The following GPAA1 variants were observed in gnomAD, a reference collection of about 807,000 sequenced individuals.
GPAA1 encodes GPI-anchor transamidase component GPAA1.
In GPAA1, 54 loss-of-function variants were observed where a neutral mutation model predicts 64.0. The observed-to-expected ratio is 0.84, with a 90% CI of 0.68 to 1.06. GPAA1 has a LOEUF of 1.06. Ranked by LOEUF, GPAA1 falls within the 50% of genes least tolerant of loss-of-function variation. The pLI is 0.00. For synonymous variants in GPAA1, 393 were observed against 377.3 expected, an observed-to-expected ratio of 1.04 and a Z score of -0.48; for missense variants, 780 against 822.3, an observed-to-expected ratio of 0.95 and a Z score of 0.63.
Position 144,083,440 on chromosome 8 carries a change from G to A in GPAA1, c.306G>A (p.Glu102=). 6.2e-7 allele frequency: 1 copy of A among 1,613,912 alleles called. No individual in the cohort carries two copies. The highest frequency in any genetic ancestry group is 8.5e-7 in the Non-Finnish European group (1 of 1,180,014). The change falls in exon 3 of 12, where the codon GAG becomes GAA. Residue 102 remains glutamate (E), a synonymous_variant. Coordinates refer to ENST00000355091, the MANE Select transcript of GPAA1 (RefSeq NM_003801.4). ...GGACGATGCGGTCAGTAGGGCTGGA[G>A]GTCTACACGCAGAGTTTCTCCCGGA... The part of the protein sequence containing the change: ...LERTMRSVGL[E]VYTQSFSRKL...
At position 144,085,380 on chromosome 8, in the gene GPAA1, T is replaced by C. The variant is rs1249526969; in HGVS notation, c.1352T>C (p.Val451Ala). 10 of 1,608,498 alleles carry C rather than the reference T, an allele frequency of 6.2e-6. No individual in the cohort carries two copies. The African/African-American group carries it at 1.2e-4, about 19-fold the overall frequency. ...GTCCTGCCAGTGCTGGGCCAACACG[T>C]TGCCACCCAGCACTTCCCAGTGGCA... ...LYVLPVLGQH[V>A]ATQHFPVAEA... The change falls in exon 10 of 12, where the codon GTT (valine) becomes GCT (alanine). Residue 451 changes from valine to alanine, a missense_variant. Physicochemically the swap from Val to Ala is moderately conservative, Grantham distance 64. Coordinates refer to ENST00000355091, the MANE Select transcript of GPAA1 (RefSeq NM_003801.4).
intron 3 of GPAA1, 71 bp downstream of exon 3, chr8:144,083,571 C>T (rs1418435240): frequency 6.3e-6 from 9 of 1,439,260 alleles, no homozygotes; most frequent in Non-Finnish European, 8.8e-6. Flanking sequence ...TGGGTATCAC[C>T]TTGCGGGGGT....
rs374893682 is a variant in GPAA1, at chr8:144,083,949, T to G, written c.525T>G (p.Tyr175Ter). The change falls in exon 5 of 12, where the codon TAT (tyrosine) becomes TAG (stop). Residue 175 changes from tyrosine (Y) to a stop codon, truncating the protein, a stop_gained. Transcript: ENST00000355091. LOFTEE classifies it high-confidence loss of function. ...GCTTCTGGCCTCCAGGGCAGATTTA[T>G]TGGGCCAAAGATATCGTCTTCCTGG... ...ALAAHFRGQI[Y>*]WAKDIVFLVT... 3.1e-6 allele frequency: 5 copies of G among 1,613,736 alleles called. No homozygotes were observed. The African/African-American group carries it at 6.7e-5, about 22-fold the overall frequency.
rs1835964377 is a variant in GPAA1 at position 144,084,600 on chromosome 8, C to T, written c.1001C>T (p.Ala334Val). ...CGCCAGTACAAGTATGACCTGGTGG[C>T]AGTGGGCAAGTAAGTAGTCTCTGGT... ...SFRQYKYDLV[A>V]VGKALEGMFR... Residue 334 changes from alanine (A) to valine (V), a missense_variant, in exon 7 of 12, where the codon GCA becomes GTA. Coordinates refer to ENST00000355091, the MANE Select transcript of GPAA1 (RefSeq NM_003801.4). 1 of 1,611,114 alleles carries T rather than the reference C, an allele frequency of 6.2e-7. No homozygotes were observed. Among genetic ancestry groups the T allele is most frequent in the Non-Finnish European group, 8.5e-7 (1 of 1,177,636 alleles).
chr8:144,083,000 A>C, intron 1 of GPAA1, 124 bp from the exon 2 acceptor site: 1 of 957,378 alleles, frequency 1.0e-6, no homozygotes, highest in South Asian at 1.6e-5. Flanking sequence ...CGGCGTCCCG[A>C]TGCAGGACTC....
intron 1 of GPAA1, 120 bp downstream of exon 1, chr8:144,082,924 C>G (rs893584374): frequency 3.3e-6 from 3 of 917,356 alleles, no homozygotes; most frequent in Non-Finnish European, 3.1e-6. Context: ...TCCGGCTGCT[C>G]GCGCCCTTCC....
In GPAA1 at chr8:144,084,025, G is replaced by A. The variant is rs781905290; in HGVS notation, c.601G>A (p.Asp201Asn). The A allele has an allele frequency of 5.0e-6, 8 of 1,612,748 alleles. No homozygotes were observed. The Admixed American group carries it at 8.3e-5, about 17-fold the overall frequency. ...TGAGGCTTGGCTTGAAGCCTACCACGATGTCAATGTCACTGGTAGGTTCTC... is the reference window on the plus strand; with the variant it reads ...TGAGGCTTGGCTTGAAGCCTACCACAATGTCAATGTCACTGGTAGGTTCTC... Reference protein sequence around the residue: ...GTEAWLEAYHDVNVTGMQSSP... With the variant: ...GTEAWLEAYHNVNVTGMQSSP... Residue 201 changes from aspartate (D) to asparagine (N), a missense_variant, in exon 5 of 12, where the codon GAT becomes AAT. Physicochemically the swap from Asp to Asn is conservative, Grantham distance 23. Coordinates refer to ENST00000355091, the MANE Select transcript of GPAA1 (RefSeq NM_003801.4).
chr8:144,084,968 G>A, intron 8 of GPAA1, 75 bp from the exon 9 acceptor site: 1 of 1,563,568 alleles, frequency 6.4e-7, no homozygotes, highest in Non-Finnish European at 8.8e-7. Context: ...GGGGGGTGGG[G>A]TACGGGGGTG....
In GPAA1 at chr8:144,084,709, C is replaced by G; in HGVS notation, c.1011-13C>G. 1.9e-6 allele frequency: 3 copies of G among 1,613,368 alleles called. No homozygotes were observed. The highest frequency in any genetic ancestry group is 8.5e-7 in the Non-Finnish European group (1 of 1,179,726). On this transcript the variant is annotated splice_polypyrimidine_tract_variant and intron_variant, in intron 7 of 11. Transcript: ENST00000355091. Reference sequence around the variant, plus strand: ...GGCTCTGGCCAGCCGTGAACCTGCCCCACACCTGACAGGGCTTTGGAGGGC... The same window carrying G: ...GGCTCTGGCCAGCCGTGAACCTGCCGCACACCTGACAGGGCTTTGGAGGGC...
At chr8:144,084,963 G>C in intron 8 of GPAA1, 80 bp from the exon 9 acceptor site, 1 of 1,564,806 alleles carries the variant, frequency 6.4e-7, no homozygotes, top group Non-Finnish European at 8.7e-7. Flanking sequence ...CTGATGGGGG[G>C]TGGGGTACGG....
At position 144,082,678 on chromosome 8, in the gene GPAA1, C is replaced by A; in HGVS notation, c.-53C>A. ...TGACAGGAGCAGCCTGTGGGCACCG[C>A]GGCGGTAGTTGGAGGCGGGAGAGGG... On this transcript the variant is annotated 5_prime_UTR_variant, in exon 1 of 12. Transcript: ENST00000355091. The A allele has an allele frequency of 7.5e-7, 1 of 1,340,428 alleles. No homozygotes were observed. The highest frequency in any genetic ancestry group is 9.8e-7 in the Non-Finnish European group (1 of 1,020,798). The allele number at this position is 1,340,428 out of a possible 1,614,324, so 83.0% of individuals were successfully genotyped here.
chr8:144,084,408 T>C lies in GPAA1; in HGVS notation c.814-5T>C. The C allele has an allele frequency of 6.2e-7, 1 of 1,611,492 alleles. No individual in the cohort carries two copies. Among genetic ancestry groups the C allele is most frequent in the Non-Finnish European group, 8.5e-7 (1 of 1,178,834 alleles). ...GCTGTCTCATCCTGTCCTGCACCTC[T>C]AAAGCTGCAGCCCGAGGACTGGACA... On this transcript the variant is annotated splice_polypyrimidine_tract_variant and splice_region_variant and intron_variant, in intron 6 of 11. Coordinates refer to ENST00000355091, the MANE Select transcript of GPAA1 (RefSeq NM_003801.4).
chr8:144,085,974 T>C lies in GPAA1; in HGVS notation c.1715T>C (p.Leu572Pro). Reference protein sequence around the residue: ...FLWRELQEAPLSLAEGWQLFL... With the variant: ...FLWRELQEAPPSLAEGWQLFL... ...TGGCGGGAGCTGCAGGAGGCGCCAC[T>C]GTCACTGGCCGAGGGCTGGCAGCTC... The change falls in exon 12 of 12, where the codon CTG becomes CCG. Residue 572 changes from leucine (L) to proline (P), a missense_variant. By Grantham distance (98) the Leu-to-Pro change is moderately conservative. Transcript: ENST00000355091. The C allele has an allele frequency of 6.2e-6, 10 of 1,607,230 alleles. No homozygotes were observed. The highest frequency in any genetic ancestry group is 2.2e-5 in the East Asian group (1 of 44,872).
In GPAA1 at chr8:144,083,767, C is replaced by A. The variant is rs1554763890; in HGVS notation, c.420C>A (p.Ser140Arg). ...YGILRAPRAA[S>R]TESLVLTVPC... ...TCCTGCGGGCCCCGCGTGCTGCCAG[C>A]ACCGAGTCGCTTGTGCTCACCGTGC... Residue 140 changes from serine to arginine, a missense_variant, in exon 4 of 12, where the codon AGC becomes AGA. Ser to Arg is a moderately radical substitution (Grantham distance 110, BLOSUM62 -1). Transcript: ENST00000355091. 1 of 1,606,632 alleles carries A rather than the reference C, an allele frequency of 6.2e-7. No individual in the cohort carries two copies. Among genetic ancestry groups the A allele is most frequent in the Admixed American group, 1.7e-5 (1 of 60,020 alleles).
chr8:144,083,657 C>A, intron 3 of GPAA1, 57 bp from the exon 4 acceptor site: 2 of 1,537,232 alleles, frequency 1.3e-6, no homozygotes, highest in Non-Finnish European at 1.8e-6. Flanking sequence ...GTGGGGGGCC[C>A]TTCAGCCCCC....
At chr8:144,083,662 G>A (rs1564304197) in intron 3 of GPAA1, 52 bp from the exon 4 acceptor site, 2 of 1,556,108 alleles carry the variant, frequency 1.3e-6, no homozygotes, top group Non-Finnish European at 1.7e-6. Flanking sequence ...GGGCCCTTCA[G>A]CCCCCTACCA....
chr8:144,084,213 C>A lies in GPAA1; in HGVS notation c.696C>A (p.Val232=). ...CCCTGGAGCTGAGCAGTGATGTGGT[C>A]ACCAGCCTCGATGTGGCCGTGGAGG... ...AVALELSSDV[V]TSLDVAVEGL... is the part of the protein sequence containing the mutation. The change falls in exon 6 of 12, where the codon GTC becomes GTA. Residue 232 remains valine (V), a synonymous_variant. Coordinates refer to ENST00000355091, the MANE Select transcript of GPAA1 (RefSeq NM_003801.4). 1 of 1,613,108 alleles carries A rather than the reference C, an allele frequency of 6.2e-7. No individual in the cohort carries two copies. The highest frequency in any genetic ancestry group is 1.1e-5 in the South Asian group (1 of 91,030).
At chr8:144,082,943 C>A in intron 1 of GPAA1, 139 bp downstream of exon 1, 1 of 885,724 alleles carries the variant, frequency 1.1e-6, no homozygotes, top group Non-Finnish European at 1.6e-6. Context: ...CCGCTCCTGC[C>A]CTCTGGAAGC....
In GPAA1 at chr8:144,084,525, TC is replaced by T; in HGVS notation, c.928del (p.Leu310CysfsTer8). 1 of 1,613,786 alleles carries T rather than the reference TC, an allele frequency of 6.2e-7. No individual in the cohort carries two copies. On this transcript the variant is annotated frameshift_variant, in exon 7 of 12. Transcript: ENST00000355091. LOFTEE classifies it high-confidence loss of function. ...CGCCCCCACGGCTCCCATGGCCTCT[TC>T]CTGCGCTACCGTGTGGAGGCCCTAA... is the stretch of plus-strand genomic sequence containing the variant. The part of the protein sequence containing the change: ...SGRPHGSHGL[F>X]LRYRVEALTL...
Sources: gnomAD v4.1 joint callset for allele counts on GRCh38, gnomAD v4.1.1 for gene constraint, MANE v1.5 for transcripts, NCBI Gene and HGNC (gene_info 2026-07-23, HGNC 2026-07-21) for gene names.